The following DERA variants were observed in gnomAD, a reference collection of about 807,000 sequenced individuals.
The protein encoded by DERA is 2-deoxy-D-ribose 5-phosphate aldolase.
DERA carries 15 observed loss-of-function variants against 41.1 expected under a neutral mutation model. The ratio of observed to expected loss-of-function variants is 0.37; its 90% CI spans 0.24 to 0.56. DERA has a LOEUF of 0.56. Ranked by LOEUF, DERA falls within the 20% of genes least tolerant of loss-of-function variation. The probability of loss-of-function intolerance (pLI) is 0.81; values close to 1 mark genes in which losing one functional copy is unlikely to be tolerated. For synonymous variants in DERA, 139 were observed against 137.4 expected (o/e 1.01, Z -0.08); for missense variants, 396 against 403.4 (o/e 0.98, Z 0.16).
At position 16,013,932 on chromosome 12, in the gene DERA, C is replaced by T. The variant is rs1948963326; in HGVS notation, c.638-18610C>T. On this transcript the variant is annotated intron_variant, in intron 6 of 8. Coordinates refer to ENST00000428559, the MANE Select transcript of DERA (RefSeq NM_015954.4). This position sits in a 1 kb window ranked among gnomAD's most constrained non-coding sequence, Gnocchi z 5.8. ...TGTGCTTTAGCAAAGAGACTGGTGG[C>T]ACTTTGCCCCTGCCCTAAAGATCTG... Among the ~76,000 whole-genome samples, 1 of 152,166 alleles carries T rather than the reference C, an allele frequency of 6.6e-6. No individual in the cohort carries two copies.
In DERA at chr12:16,003,232, T is replaced by G. The variant is rs148014120; in HGVS notation, c.637+20796T>G. Among the ~76,000 whole-genome samples, 108 of 152,308 alleles carry G rather than the reference T, an allele frequency of 7.1e-4. No homozygotes were observed. Among genetic ancestry groups the G allele is most frequent in the Non-Finnish European group, 1.4e-3 (92 of 68,030 alleles). On this transcript the variant is annotated intron_variant, in intron 6 of 8. Coordinates refer to ENST00000428559, the MANE Select transcript of DERA (RefSeq NM_015954.4). The surrounding 1 kb of genome is among the most constrained non-coding windows in gnomAD (Gnocchi z 4.8). ...ATGATATGGTGTTCTTCATGTTGTA[T>G]GTCTGTCTCTTCACCTGGTGTTCTT...
At chr12:15,953,489 A>G (rs953272235) in intron 1 of DERA, among the ~76,000 whole-genome samples, 2 of 152,176 alleles carry the variant, frequency 1.3e-5, no homozygotes, top group South Asian at 2.1e-4. Context: ...AGAGTATTTG[A>G]GGACAAATTT....
Position 16,036,554 on chromosome 12 carries a change from C to G in DERA, c.901-136C>G, listed in dbSNP as rs1480214297. 7.0e-6 allele frequency: 7 copies of G among 1,002,748 alleles called. No individual in the cohort carries two copies. In the East Asian group the frequency reaches 1.9e-4, roughly 27 times the overall value. The allele number at this position is 1,002,748 out of a possible 1,614,324, so 62.1% of individuals were successfully genotyped here. On this transcript the variant is annotated intron_variant, in intron 8 of 8. Coordinates refer to ENST00000428559, the MANE Select transcript of DERA (RefSeq NM_015954.4). The surrounding 1 kb of genome is among the most constrained non-coding windows in gnomAD (Gnocchi z 4.9). ...ATCAGAAGTGAGTAGGGTGGAGATT[C>G]TGCTGAAGCACATACTAGTGAGGCT...
chr12:15,925,693 G>A (rs1948276865), intron 1 of DERA, among the ~76,000 whole-genome samples: 1 of 152,100 alleles, frequency 6.6e-6, no homozygotes, highest in African/African-American at 2.4e-5. Flanking sequence ...GTAGAACTTT[G>A]AAGGTTTAGT....
chr12:16,006,071 C>CGTTCAGCA (rs1948908612), intron 6 of DERA, among the ~76,000 whole-genome samples: 1 of 152,178 alleles, frequency 6.6e-6, no homozygotes, highest in African/African-American at 2.4e-5. Flanking sequence ...GGATGTAACA[C>CGTTCAGCA]GTTCAGCAAA....
chr12:15,961,987 G>T (rs1176877258), intron 4 of DERA, among the ~76,000 whole-genome samples: 4 of 152,144 alleles, frequency 2.6e-5, no homozygotes, highest in Admixed American at 2.6e-4. Flanking sequence ...CGGATGATCC[G>T]CTAGCCTTGA....
In DERA at chr12:15,922,538, G is replaced by GC. The variant is rs1948251585; in HGVS notation, c.31+11125dup. 1.3e-5 allele frequency among the ~76,000 whole-genome samples: 2 copies of GC among 152,222 alleles called. No individual in the cohort carries two copies. Among genetic ancestry groups the GC allele is most frequent in the Admixed American group, 1.3e-4 (2 of 15,282 alleles). On this transcript the variant is annotated intron_variant, in intron 1 of 8. Coordinates refer to ENST00000428559, the MANE Select transcript of DERA (RefSeq NM_015954.4). This position sits in a 1 kb window ranked among gnomAD's most constrained non-coding sequence, Gnocchi z 4.9. ...TAGAGTCTAGAAAATAGGCATTGATGCTGATAATACTGAAGACCGTCTGAA... is the reference window on the plus strand; with the variant it reads ...TAGAGTCTAGAAAATAGGCATTGATGCCTGATAATACTGAAGACCGTCTGAA...
In DERA at chr12:15,919,259, A is replaced by AT. The variant is rs1049360315; in HGVS notation, c.31+7858dup. 2.4e-3 allele frequency among the ~76,000 whole-genome samples: 350 copies of AT among 146,854 alleles called. 2 individuals carry two copies. The highest frequency in any genetic ancestry group is 0.014 in the Middle Eastern group (4 of 278). ...TGCGGTGCCTGCTAAGTTAAAAAACATTTTTTTTTTTTTAAAAAGCATCTA... is the reference window on the plus strand; with the variant it reads ...TGCGGTGCCTGCTAAGTTAAAAAACATTTTTTTTTTTTTTAAAAAGCATCTA... On this transcript the variant is annotated intron_variant, in intron 1 of 8. Transcript: ENST00000428559.
rs750466513 is a variant in DERA, at chr12:15,998,748, C to T, written c.637+16312C>T. On this transcript the variant is annotated intron_variant, in intron 6 of 8. Transcript: ENST00000428559. The surrounding 1 kb of genome is among the most constrained non-coding windows in gnomAD (Gnocchi z 4.8). ...AACCAATTGTTCTAGTAGTTATTTT[C>T]ATTGCAATGTGCTTATTTGGACCGC... is the stretch of plus-strand genomic sequence containing the variant. 2.0e-5 allele frequency among the ~76,000 whole-genome samples: 3 copies of T among 152,120 alleles called. No individual in the cohort carries two copies. The highest frequency in any genetic ancestry group is 6.6e-5 in the Admixed American group (1 of 15,262).
At position 15,959,895 on chromosome 12, in the gene DERA, C is replaced by T; in HGVS notation, c.344C>T (p.Ala115Val). The T allele has an allele frequency of 6.5e-7, 1 of 1,549,716 alleles. No homozygotes were observed. Reference protein sequence around the residue: ...RVCDAVKALKAAGCNIPVASV... With the variant: ...RVCDAVKALKVAGCNIPVASV... ...TGTGATGCTGTAAAAGCACTCAAGG[C>T]TGCAGGCTGTAATATCCCTGTGGCA... The change falls in exon 4 of 9, where the codon GCT (alanine) becomes GTT (valine). Residue 115 changes from alanine (A) to valine (V), a missense_variant. Physicochemically the swap from Ala to Val is moderately conservative, Grantham distance 64. Coordinates refer to ENST00000428559, the MANE Select transcript of DERA (RefSeq NM_015954.4). The surrounding 1 kb of genome is among the most constrained non-coding windows in gnomAD (Gnocchi z 4.5).
At chr12:16,028,424 T>C (rs940506559) in intron 6 of DERA, among the ~76,000 whole-genome samples, 1 of 152,212 alleles carries the variant, frequency 6.6e-6, no homozygotes, top group Admixed American at 6.5e-5. Context: ...TTATTTTAAA[T>C]TTTAAAATGG....
At chr12:15,917,770 C>G (rs907015761) in intron 1 of DERA, among the ~76,000 whole-genome samples, 1 of 152,124 alleles carries the variant, frequency 6.6e-6, no homozygotes, top group African/African-American at 2.4e-5. Flanking sequence ...GGTGTTTCAA[C>G]AAGGTATTTC....
chr12:15,952,655 C>G (rs1431062740), intron 1 of DERA, among the ~76,000 whole-genome samples: 1 of 152,006 alleles, frequency 6.6e-6, no homozygotes. Flanking sequence ...TATTTTACAC[C>G]CTTCTTTTTG....
intron 6 of DERA, among the ~76,000 whole-genome samples, chr12:16,023,065 G>C (rs1463324769): frequency 2.0e-5 from 3 of 152,138 alleles, no homozygotes; most frequent in Admixed American, 6.5e-5. Context: ...AATGGGCGGA[G>C]AAAAGCTAAG....
At chr12:15,956,565 C>T (rs1178377789) in intron 1 of DERA, 3 of 363,712 alleles carry the variant, frequency 8.2e-6, no homozygotes, top group Non-Finnish European at 1.6e-5. Flanking sequence ...GGGCTGGACA[C>T]TCACCAGTAA....
At chr12:15,944,681 C>T (rs189206954) in intron 1 of DERA, among the ~76,000 whole-genome samples, 1 of 152,240 alleles carries the variant, frequency 6.6e-6, no homozygotes, top group East Asian at 1.9e-4. Context: ...CTGTAGGTTG[C>T]CTGTTCACTC....
chr12:15,967,138 C>T lies in DERA; in HGVS notation c.508+4191C>T, dbSNP rs1467066829. On this transcript the variant is annotated intron_variant, in intron 5 of 8. Coordinates refer to ENST00000428559, the MANE Select transcript of DERA (RefSeq NM_015954.4). The surrounding 1 kb of genome is among the most constrained non-coding windows in gnomAD (Gnocchi z 4.9). ...GCTGAGGCAGGCAGATCACTTGAGC[C>T]CAGGAGTTCAAGACCAGTCTGGGCA... Among the ~76,000 whole-genome samples, 1 of 151,808 alleles carries T rather than the reference C, an allele frequency of 6.6e-6. No individual in the cohort carries two copies. The highest frequency in any genetic ancestry group is 1.9e-4 in the East Asian group (1 of 5,170).
At position 15,967,924 on chromosome 12, in the gene DERA, G is replaced by A. The variant is rs917479190; in HGVS notation, c.508+4977G>A. Among the ~76,000 whole-genome samples, 1 of 152,160 alleles carries A rather than the reference G, an allele frequency of 6.6e-6. No homozygotes were observed. Among genetic ancestry groups the A allele is most frequent in the Non-Finnish European group, 1.5e-5 (1 of 68,032 alleles). Reference sequence around the variant, plus strand: ...CCCAGCTGCTTTCCTGACAGGATTAGCATATCCCCCTGGGCATTTGTGATA... The same window carrying A: ...CCCAGCTGCTTTCCTGACAGGATTAACATATCCCCCTGGGCATTTGTGATA... On this transcript the variant is annotated intron_variant, in intron 5 of 8. Transcript: ENST00000428559. This position sits in a 1 kb window ranked among gnomAD's most constrained non-coding sequence, Gnocchi z 4.9.
In DERA at chr12:15,922,867, G is replaced by A. The variant is rs1218634987; in HGVS notation, c.31+11453G>A. ...ACACGAGAATGTAGGTTCATCAGTTGTAAGGTTTATACCACTCTGGTGGGG... is the reference window on the plus strand; with the variant it reads ...ACACGAGAATGTAGGTTCATCAGTTATAAGGTTTATACCACTCTGGTGGGG... On this transcript the variant is annotated intron_variant, in intron 1 of 8. Coordinates refer to ENST00000428559, the MANE Select transcript of DERA (RefSeq NM_015954.4). The surrounding 1 kb of genome is among the most constrained non-coding windows in gnomAD (Gnocchi z 4.9). Among the ~76,000 whole-genome samples the A allele has an allele frequency of 6.6e-6, 1 of 152,052 alleles. No homozygotes were observed. The highest frequency in any genetic ancestry group is 1.5e-5 in the Non-Finnish European group (1 of 68,008).
Sources: gnomAD v4.1 joint callset for allele counts (sites outside exome capture counted in the v4.1 genomes callset) on GRCh38, gnomAD v4.1.1 for gene constraint, Gnocchi (gnomAD v3.1) non-coding constraint, MANE v1.5 for transcripts, NCBI Gene and HGNC (gene_info 2026-07-23, HGNC 2026-07-21) for gene names.